The following TEX101 variants were observed in gnomAD, a reference collection of about 807,000 sequenced individuals.
TEX101 encodes testis expressed 101, also known as testis-expressed protein 101.
In TEX101, 10 loss-of-function variants were observed where a neutral mutation model predicts 18.1. The observed-to-expected ratio is 0.55, with a 90% confidence interval of 0.34 to 0.94. The LOEUF (loss-of-function observed/expected upper bound fraction) is 0.94. Ranked by LOEUF, TEX101 falls within the 40% of genes least tolerant of loss-of-function variation. The probability of loss-of-function intolerance (pLI) is 0.02; values close to 1 mark genes in which losing one functional copy is unlikely to be tolerated. For missense variants in TEX101, 259 were observed against 298.9 expected (o/e 0.87, Z 0.98); for synonymous variants, 94 against 114.8 (o/e 0.82, Z 1.16).
chr19:43,397,311 A>G (rs1970275954), upstream of TEX101, among the ~76,000 whole-genome samples: 1 of 152,046 alleles, frequency 6.6e-6, no homozygotes, highest in Non-Finnish European at 1.5e-5. Flanking sequence ...TTCCTACCTC[A>G]GGGCCTTTGC....
chr19:43,396,214 AG>A, the TEX101 span, among the ~76,000 whole-genome samples: 1 of 152,170 alleles, frequency 6.6e-6, no homozygotes, highest in Non-Finnish European at 1.5e-5. Context: ...AGAGATATTT[AG>A]GTATTTAGGG....
At chr19:43,416,325 A>G (rs779357159) in intron 3 of TEX101, 48 bp from the exon 4 acceptor site, 3 of 1,590,800 alleles carry the variant, frequency 1.9e-6, no homozygotes, top group Non-Finnish European at 1.7e-6. Flanking sequence ...CGTCCAGGCC[A>G]ATTGTGACGG....
At position 43,418,422 on chromosome 19, in the gene TEX101, G is replaced by A; in HGVS notation, c.*25G>A. On this transcript the variant is annotated 3_prime_UTR_variant, in exon 6 of 6. Coordinates refer to ENST00000598265, the MANE Select transcript of TEX101 (RefSeq NM_001130011.3). The stretch of plus-strand genomic sequence containing the variant: ...AGAAGGCACTTCTGGGCCTGGGTCT[G>A]AGGACATCTTTTTTGACTGGGAGCC... 1.9e-6 allele frequency: 3 copies of A among 1,588,404 alleles called. No individual in the cohort carries two copies. Among genetic ancestry groups the A allele is most frequent in the Non-Finnish European group, 2.6e-6 (3 of 1,163,286 alleles).
the TEX101 span, among the ~76,000 whole-genome samples, chr19:43,390,756 C>T: frequency 6.5e-4 from 99 of 151,476 alleles, 1 homozygote; most frequent in African/African-American, 2.4e-3. Flanking sequence ...TAAGCCACCT[C>T]GCCCGGCCCA....
upstream of TEX101, among the ~76,000 whole-genome samples, chr19:43,410,100 G>A (rs1265517864): frequency 6.6e-6 from 1 of 152,160 alleles, no homozygotes; most frequent in African/African-American, 2.4e-5. Flanking sequence ...TGTTTTGTAA[G>A]GTTTGCAGAA....
chr19:43,417,971 C>T lies in TEX101; in HGVS notation c.485C>T (p.Thr162Ile), dbSNP rs547991979. The T allele has an allele frequency of 2.5e-6, 4 of 1,614,150 alleles. No individual in the cohort carries two copies. In the African/African-American group the frequency reaches 5.3e-5, roughly 22 times the overall value. ...TCTCTTCCCTGTCCCAATGGTACAA[C>T]TCGATGCTATCAAGGAAAACTTGAG... ...APSLPCPNGT[T>I]RCYQGKLEIT... The change falls in exon 5 of 6, where the codon ACT (threonine) becomes ATT (isoleucine). Residue 162 changes from threonine to isoleucine, a missense_variant. Thr to Ile is a moderately conservative substitution (Grantham distance 89). Transcript: ENST00000598265.
chr19:43,417,383 A>T (rs1303503680), intron 4 of TEX101, among the ~76,000 whole-genome samples: 1 of 152,120 alleles, frequency 6.6e-6, no homozygotes, highest in African/African-American at 2.4e-5. Flanking sequence ...AACTTCTCAC[A>T]ATTCCCTGAA....
upstream of TEX101, among the ~76,000 whole-genome samples, chr19:43,397,796 A>T (rs1970280521): frequency 8.4e-6 from 1 of 119,228 alleles, no homozygotes; most frequent in African/African-American, 3.0e-5. Context: ...ATTTTTATAT[A>T]TTTATATTAT....
Position 43,415,898 on chromosome 19 carries a change from C to A in TEX101, c.-22C>A. The A allele has an allele frequency of 1.9e-6, 3 of 1,614,126 alleles. No homozygotes were observed. Among genetic ancestry groups the A allele is most frequent in the Non-Finnish European group, 2.5e-6 (3 of 1,180,018 alleles). On this transcript the variant is annotated 5_prime_UTR_variant, in exon 2 of 6. Coordinates refer to ENST00000598265, the MANE Select transcript of TEX101 (RefSeq NM_001130011.3). ...ATTCACAGATCCAGACCAGCTCCTC[C>A]CAGACCTCTCCAGAAGAAGCCATGG...
intron 1 of TEX101, among the ~76,000 whole-genome samples, chr19:43,402,460 A>G (rs1970326009): frequency 6.6e-6 from 1 of 152,248 alleles, no homozygotes; most frequent in South Asian, 2.1e-4. Context: ...TTTGTTTATA[A>G]GTATCTTTTG....
intron 4 of TEX101, among the ~76,000 whole-genome samples, chr19:43,417,450 C>T (rs1004077433): frequency 6.6e-6 from 1 of 152,224 alleles, no homozygotes; most frequent in Non-Finnish European, 1.5e-5. Context: ...CTTTACTACC[C>T]TCCCCACCCC....
chr19:43,415,716 C>T (rs929599917), intron 1 of TEX101, among the ~76,000 whole-genome samples, 165 bp from the exon 2 acceptor site: 7 of 151,366 alleles, frequency 4.6e-5, no homozygotes, highest in Non-Finnish European at 7.4e-5. Flanking sequence ...GCCGAGATTG[C>T]GCCACTGCAC....
At chr19:43,413,276 C>T (rs571174585), upstream of TEX101, among the ~76,000 whole-genome samples, 8 of 151,738 alleles carry the variant, frequency 5.3e-5, no homozygotes, top group South Asian at 4.2e-4. Flanking sequence ...GGGGGGCGGG[C>T]GGATCACGAG....
chr19:43,418,194 A>AGACGACTGTAC lies in TEX101; in HGVS notation c.547_548insGACGACTGTAC (p.Lys183ArgfsTer10), dbSNP rs1970501797. 4 of 1,614,220 alleles carry AGACGACTGTAC rather than the reference A, an allele frequency of 2.5e-6. No individual in the cohort carries two copies. The highest frequency in any genetic ancestry group is 1.1e-5 in the South Asian group (1 of 91,082). ...TGGCATTGAGTCGTCTGTGGAGGTC[A>AGACGACTGTAC]AAGGCTGTACAGCCATGATTGGCTG... On this transcript the variant is annotated frameshift_variant, in exon 6 of 6. Transcript: ENST00000598265. LOFTEE classifies it low-confidence loss of function (END_TRUNC).
chr19:43,397,909 A>T (rs10418276), upstream of TEX101, among the ~76,000 whole-genome samples: 10 of 33,870 alleles, frequency 3.0e-4, no homozygotes, highest in East Asian at 5.7e-3. Context: ...ATAATATATA[A>T]AAATATATAT....
chr19:43,394,782 A>C, the TEX101 span, among the ~76,000 whole-genome samples: 5 of 152,102 alleles, frequency 3.3e-5, no homozygotes, highest in African/African-American at 1.2e-4. Flanking sequence ...ACTTACATTT[A>C]TTAATTCAAT....
upstream of TEX101, among the ~76,000 whole-genome samples, chr19:43,397,851 A>T (rs61486614): frequency 0.07 from 7,089 of 100,560 alleles, 414 homozygotes; most frequent in East Asian, 0.14. Context: ...TAAATATATA[A>T]TATATATAAA....
At chr19:43,396,189 A>T in the TEX101 span, among the ~76,000 whole-genome samples, 1 of 152,210 alleles carries the variant, frequency 6.6e-6, no homozygotes, top group Non-Finnish European at 1.5e-5. Context: ...GACAGATTCC[A>T]CCAGCACCAA....
the TEX101 span, among the ~76,000 whole-genome samples, chr19:43,394,059 G>A: frequency 1.3e-5 from 2 of 151,318 alleles, no homozygotes; most frequent in Admixed American, 6.6e-5. Flanking sequence ...AGATGGGGAC[G>A]TGGTTCTCAT....
Sources: allele counts gnomAD v4.1 joint callset (sites outside exome capture counted in the v4.1 genomes callset), GRCh38; gene constraint gnomAD v4.1.1; transcripts MANE v1.5; gene names NCBI Gene and HGNC (gene_info 2026-07-23, HGNC 2026-07-21).